Variants in MDGA2 observed in about 807,000 individuals in gnomAD.
The protein encoded by MDGA2 is MAM domain containing glycosylphosphatidylinositol anchor 2.
In MDGA2, 40 loss-of-function variants were observed where a neutral mutation model predicts 117.8. The ratio of observed to expected loss-of-function variants is 0.34; its 90% CI spans 0.26 to 0.44. MDGA2 has a LOEUF of 0.44. Among genes scored for constraint, MDGA2 ranks in the 20% least tolerant of loss-of-function variants. MDGA2 has a pLI of 1.00. For synonymous variants in MDGA2, 452 were observed against 439.0 expected (o/e 1.03, Z -0.37); for missense variants, 1,123 against 1,250.6 (o/e 0.90, Z 1.54).
chr14:47,539,545 CA>C (rs796611872), intron 1 of MDGA2, among the ~76,000 whole-genome samples: 30 of 152,260 alleles, frequency 2.0e-4, no homozygotes, highest in Middle Eastern at 3.4e-3. Flanking sequence ...AACAAGCACC[CA>C]TTTTAAGACC....
At chr14:47,284,426 T>A (rs1233326344) in intron 2 of MDGA2, among the ~76,000 whole-genome samples, 2 of 152,154 alleles carry the variant, frequency 1.3e-5, no homozygotes, top group Non-Finnish European at 2.9e-5. Context: ...AGTACCTATT[T>A]GAGAACTGTG....
chr14:46,873,151 C>A (rs2138363506), intron 14 of MDGA2, among the ~76,000 whole-genome samples: 1 of 152,040 alleles, frequency 6.6e-6, no homozygotes, highest in Middle Eastern at 3.4e-3. Flanking sequence ...TATGCTGTGT[C>A]AATTCCATGA....
At position 47,206,186 on chromosome 14, in the gene MDGA2, C is replaced by T. The variant is rs928089526; in HGVS notation, c.595+11835G>A. Among the ~76,000 whole-genome samples the T allele has an allele frequency of 9.2e-5, 14 of 152,106 alleles. No individual in the cohort carries two copies. The South Asian group carries it at 2.5e-3, about 27-fold the overall frequency. ...CTCTTTTTCATAATATACATATGGA[C>T]AAATGCCATCATGTCTTTGCCTGAA... On this transcript the variant is annotated intron_variant, in intron 3 of 16. Coordinates refer to ENST00000399232, the MANE Select transcript of MDGA2 (RefSeq NM_001113498.3).
chr14:47,367,459 G>C (rs1891255283), intron 1 of MDGA2, among the ~76,000 whole-genome samples: 1 of 152,110 alleles, frequency 6.6e-6, no homozygotes, highest in Admixed American at 6.5e-5. Flanking sequence ...GTCATAATTT[G>C]TTTCTATTTT....
In MDGA2 at chr14:46,877,481, A is replaced by G. The variant is rs1480824046; in HGVS notation, c.2437+8T>C. ...ATAGTGCCATTTTGTAAGTTAAAAT[A>G]TACTTACTCAAATGAGGATTTACAG... On this transcript the variant is annotated splice_region_variant and intron_variant, in intron 12 of 16. Coordinates refer to ENST00000399232, the MANE Select transcript of MDGA2 (RefSeq NM_001113498.3). 3 of 1,448,820 alleles carry G rather than the reference A, an allele frequency of 2.1e-6. No individual in the cohort carries two copies. The highest frequency in any genetic ancestry group is 1.3e-5 in the South Asian group (1 of 77,800). 89.7% of individuals were successfully genotyped at this position (1,448,820 alleles called of 1,614,324 possible).
rs192288183 is a variant in MDGA2 at position 47,605,759 on chromosome 14, G to T, written c.280+68758C>A. Among the ~76,000 whole-genome samples, 288 of 152,170 alleles carry T rather than the reference G, an allele frequency of 1.9e-3. 1 individual carries two copies. Among genetic ancestry groups the T allele is most frequent in the African/African-American group, 6.7e-3 (277 of 41,528 alleles). On this transcript the variant is annotated intron_variant, in intron 1 of 16. Transcript: ENST00000399232. ...ATAATCCCCCACAAAAGGCAAATTT[G>T]ATTTTACAGTAGGTTTTCAAAATCT...
rs144285661 is a variant in MDGA2 at position 47,343,257 on chromosome 14, G to T, written c.281-41707C>A. On this transcript the variant is annotated intron_variant, in intron 1 of 16. Coordinates refer to ENST00000399232, the MANE Select transcript of MDGA2 (RefSeq NM_001113498.3). ...TTTCAGGAACGATTATCGAATTCCG[G>T]GCATTGTATTACATCAGGAAGGCAA... The T allele has an allele frequency of 2.3e-3, 2,645 of 1,145,290 alleles. 6 individuals carry two copies. The highest frequency in any genetic ancestry group is 5.5e-3 in the Admixed American group (120 of 21,878). The allele number at this position is 1,145,290 out of a possible 1,614,324, so 70.9% of individuals were successfully genotyped here. A position where few individuals can be genotyped will look rare whatever the true frequency, so the allele number is the denominator to read the frequency against.
chr14:47,225,955 G>T (rs1225908382), intron 2 of MDGA2, among the ~76,000 whole-genome samples: 2 of 151,774 alleles, frequency 1.3e-5, no homozygotes, highest in African/African-American at 4.8e-5. Context: ...AAATATTTCT[G>T]CAAGATATAT....
chr14:47,350,193 C>T (rs933194548), intron 1 of MDGA2, among the ~76,000 whole-genome samples: 1 of 152,176 alleles, frequency 6.6e-6, no homozygotes, highest in African/African-American at 2.4e-5. Context: ...CTGTAACTAA[C>T]CCCACTTTAT....
intron 1 of MDGA2, among the ~76,000 whole-genome samples, chr14:47,421,928 T>TA (rs1290738653): frequency 1.3e-5 from 2 of 151,816 alleles, no homozygotes; most frequent in African/African-American, 4.8e-5. Context: ...TTTTTCAAGT[T>TA]AAAAAAAATC....
chr14:46,842,707 G>A (rs937047519), intron 16 of MDGA2, among the ~76,000 whole-genome samples: 3 of 152,132 alleles, frequency 2.0e-5, no homozygotes, highest in Admixed American at 2.0e-4. Context: ...GGATAACACA[G>A]ATATAATTCA....
intron 3 of MDGA2, among the ~76,000 whole-genome samples, chr14:47,188,989 G>C (rs532992988): frequency 2.0e-5 from 3 of 152,248 alleles, no homozygotes; most frequent in East Asian, 3.9e-4. Flanking sequence ...ACCCCAACCA[G>C]GTTCTGTCTG....
chr14:47,391,561 T>G (rs549119735), intron 1 of MDGA2, among the ~76,000 whole-genome samples: 3 of 152,272 alleles, frequency 2.0e-5, no homozygotes, highest in African/African-American at 7.2e-5. Context: ...GGACATCTGT[T>G]TAAATTGTAT....
At chr14:47,146,803 C>A (rs1054310068) in intron 3 of MDGA2, among the ~76,000 whole-genome samples, 14 of 152,134 alleles carry the variant, frequency 9.2e-5, no homozygotes, top group South Asian at 2.1e-4. Context: ...TAGGTTTGTA[C>A]TTTCCAACAC....
At chr14:46,907,405 A>G (rs575848993) in intron 10 of MDGA2, among the ~76,000 whole-genome samples, 79 of 152,260 alleles carry the variant, frequency 5.2e-4, no homozygotes, top group African/African-American at 1.8e-3. Flanking sequence ...CAAAATGCCA[A>G]TTCTCTCCTG....
chr14:47,665,462 C>A (rs957141428), intron 1 of MDGA2, among the ~76,000 whole-genome samples: 1 of 152,218 alleles, frequency 6.6e-6, no homozygotes, highest in Non-Finnish European at 1.5e-5. Flanking sequence ...CGCCGCTGCA[C>A]CGTGGGAGCC....
chr14:47,630,297 TC>T (rs1897232242), intron 1 of MDGA2, among the ~76,000 whole-genome samples: 1 of 152,292 alleles, frequency 6.6e-6, no homozygotes, highest in South Asian at 2.1e-4. Context: ...AATAAAAGTT[TC>T]AATAGGTTAT....
intron 1 of MDGA2, among the ~76,000 whole-genome samples, chr14:47,516,142 C>T (rs1894746562): frequency 6.6e-6 from 1 of 152,142 alleles, no homozygotes; most frequent in Non-Finnish European, 1.5e-5. Context: ...GCAGGTGATG[C>T]TTATGTCCCC....
intron 10 of MDGA2, among the ~76,000 whole-genome samples, chr14:46,911,370 C>A (rs1391669033): frequency 6.6e-6 from 1 of 152,148 alleles, no homozygotes; most frequent in Non-Finnish European, 1.5e-5. Flanking sequence ...AGTTGTACAG[C>A]AGTAGTTACG....
Sources: gnomAD v4.1 joint callset for allele counts (sites outside exome capture counted in the v4.1 genomes callset) on GRCh38, gnomAD v4.1.1 for gene constraint, MANE v1.5 for transcripts, NCBI Gene and HGNC (gene_info 2026-07-23, HGNC 2026-07-21) for gene names.